The following MED12L variants were observed in gnomAD, a reference collection of about 807,000 sequenced individuals.
MED12L encodes the protein mediator of RNA polymerase II transcription subunit 12-like protein.
A neutral mutation model predicts 281.3 loss-of-function variants in MED12L; 60 were observed. The observed-to-expected ratio is 0.21, with a 90% confidence interval of 0.17 to 0.26. MED12L has a LOEUF of 0.26. MED12L is among the 10% of genes least tolerant of loss of function. The pLI is 1.00. For missense variants in MED12L, 2,146 were observed against 2,680.9 expected (o/e 0.80, Z 4.41); for synonymous variants, 974 against 987.2 (o/e 0.99, Z 0.25).
intron 43 of MED12L, among the ~76,000 whole-genome samples, chr3:151,429,919 C>G (rs1448106114): frequency 6.6e-6 from 1 of 152,198 alleles, no homozygotes; most frequent in African/African-American, 2.4e-5. Flanking sequence ...AGTCCTTGAA[C>G]AAATCTTCCA....
intron 43 of MED12L, among the ~76,000 whole-genome samples, chr3:151,423,820 C>G (rs780613401): frequency 2.1e-4 from 32 of 152,124 alleles, no homozygotes; most frequent in Non-Finnish European, 4.3e-4. Flanking sequence ...ATCTTAAACT[C>G]AGGTTGTCTT....
intron 11 of MED12L, among the ~76,000 whole-genome samples, chr3:151,166,916 C>T (rs985861537): frequency 1.3e-5 from 2 of 151,978 alleles, no homozygotes; most frequent in African/African-American, 2.4e-5. Flanking sequence ...TCTCCTGATT[C>T]GCCTGCCTCA....
intron 16 of MED12L, among the ~76,000 whole-genome samples, chr3:151,258,021 G>A (rs1483694326): frequency 6.6e-6 from 1 of 152,150 alleles, no homozygotes; most frequent in Non-Finnish European, 1.5e-5. Context: ...CTGGCATAAA[G>A]CTGTATTTAT....
rs756626201 is a variant in MED12L, at chr3:151,369,565, C to T, written c.3664+16C>T. ...ATGATGCTTGGTAAGATTATTCTGA[C>T]CCTAAGCTTCTTGGTTAATCACCAG... On this transcript the variant is annotated intron_variant, in intron 26 of 44. Transcript: ENST00000687756. 10 of 1,506,504 alleles carry T rather than the reference C, an allele frequency of 6.6e-6. No individual in the cohort carries two copies. The highest frequency in any genetic ancestry group is 9.1e-6 in the Non-Finnish European group (10 of 1,101,066). The allele number at this position is 1,506,504 out of a possible 1,614,324, so 93.3% of individuals were successfully genotyped here.
intron 16 of MED12L, among the ~76,000 whole-genome samples, chr3:151,293,677 A>ACACACACACC (rs200041934): frequency 8.2e-6 from 1 of 121,258 alleles, no homozygotes; most frequent in African/African-American, 3.8e-5. Context: ...ACACACACAC[A>ACACACACACC]CCCTCTACCT....
Position 151,190,776 on chromosome 3 carries a change from G to A in MED12L, c.1813G>A (p.Glu605Lys). The part of the protein sequence containing the change: ...EFVNLVLLFC[E>K]FIRHDVFSHD... ...TGTGAACCTGGTGCTGCTCTTCTGCGAGTTCATCCGCCATGATGTCTTCTC... is the reference window on the plus strand; with the variant it reads ...TGTGAACCTGGTGCTGCTCTTCTGCAAGTTCATCCGCCATGATGTCTTCTC... Residue 605 changes from glutamate (E) to lysine (K), a missense_variant, in exon 14 of 45, where the codon GAG (glutamate) becomes AAG (lysine). This residue lies in a region of MED12L where 722 missense variants were observed against 861.2 expected (regional missense o/e 0.84). Coordinates refer to ENST00000687756, the MANE Select transcript of MED12L (RefSeq NM_001393769.1). 6.2e-7 allele frequency: 1 copy of A among 1,614,126 alleles called. No individual in the cohort carries two copies. The highest frequency in any genetic ancestry group is 8.5e-7 in the Non-Finnish European group (1 of 1,180,026).
chr3:151,435,515 T>C lies in MED12L; in HGVS notation c.*2711T>C, dbSNP rs1373045100. ...GAAAACCCAAGGGCGCTATTCCACA[T>C]GTCTCAAATGATTGGCAGGGGCTAA... On this transcript the variant is annotated 3_prime_UTR_variant, in exon 45 of 45. Transcript: ENST00000687756. 1 of 152,150 alleles carries C rather than the reference T, an allele frequency of 6.6e-6. No individual in the cohort carries two copies. The highest frequency in any genetic ancestry group is 1.9e-4 in the East Asian group (1 of 5,192). The allele number at this position is 152,150 out of a possible 1,614,324, so 9.4% of individuals were successfully genotyped here.
At position 151,384,143 on chromosome 3, in the gene MED12L, T is replaced by G. The variant is rs753938275; in HGVS notation, c.4851T>G (p.Ser1617=). Residue 1617 remains serine (S), a synonymous_variant, in exon 35 of 45, where the codon TCT becomes TCG. Coordinates refer to ENST00000687756, the MANE Select transcript of MED12L (RefSeq NM_001393769.1). ...TTTTAATCAATGGAACGTTAGCCTC[T>G]GACCTATCAAATGCATCCCCTGGGG... ...LGVLINGTLA[S]DLSNASPGGS... is the part of the protein sequence containing the mutation. The G allele has an allele frequency of 4.3e-6, 7 of 1,614,066 alleles. No individual in the cohort carries two copies. In the South Asian group the frequency reaches 7.7e-5, roughly 18 times the overall value.
chr3:151,305,442 T>G (rs28371419), intron 16 of MED12L, among the ~76,000 whole-genome samples: 71,516 of 151,970 alleles, frequency 0.47, 16,917 homozygotes, highest in Middle Eastern at 0.64. Flanking sequence ...TAAAATGAGG[T>G]TGGTGGAAAA....
intron 33 of MED12L, among the ~76,000 whole-genome samples, chr3:151,382,966 T>C (rs1377675925): frequency 6.6e-6 from 1 of 152,202 alleles, no homozygotes; most frequent in Non-Finnish European, 1.5e-5. Context: ...ATTTTAAGCA[T>C]AGATTTGCCT....
At chr3:151,265,508 C>G (rs145529543) in intron 16 of MED12L, among the ~76,000 whole-genome samples, 3 of 152,106 alleles carry the variant, frequency 2.0e-5, no homozygotes, top group Non-Finnish European at 2.9e-5. Flanking sequence ...GCCCACTTGC[C>G]GGTCACTGCC....
At position 151,151,716 on chromosome 3, in the gene MED12L, A is replaced by G. The variant is rs533849024; in HGVS notation, c.557-4445A>G. ...TTCGTGGCACCTCAAGACATTTACA[A>G]TAGTCACTCAAAGATGACTGATTAC... On this transcript the variant is annotated intron_variant, in intron 5 of 44. Coordinates refer to ENST00000687756, the MANE Select transcript of MED12L (RefSeq NM_001393769.1). Among the ~76,000 whole-genome samples the G allele has an allele frequency of 6.6e-5, 10 of 152,262 alleles. No individual in the cohort carries two copies. In the South Asian group the frequency reaches 2.1e-3, roughly 32 times the overall value.
At chr3:151,281,688 A>C (rs532709728) in intron 16 of MED12L, among the ~76,000 whole-genome samples, 1 of 152,170 alleles carries the variant, frequency 6.6e-6, no homozygotes, top group Non-Finnish European at 1.5e-5. Context: ...AAGTACTGTG[A>C]TTTCCTCCTG....
chr3:151,154,275 C>T (rs920475193), intron 5 of MED12L, among the ~76,000 whole-genome samples: 1 of 151,990 alleles, frequency 6.6e-6, no homozygotes, highest in African/African-American at 2.4e-5. Context: ...GTTAAGAGGG[C>T]TTTATTTATG....
chr3:151,240,551 C>A (rs1025763746), intron 16 of MED12L, among the ~76,000 whole-genome samples: 1 of 152,116 alleles, frequency 6.6e-6, no homozygotes, highest in African/African-American at 2.4e-5. Context: ...GGTGAAAGAG[C>A]TAAAAAACAA....
At chr3:151,160,468 G>C (rs547786157) in intron 8 of MED12L, among the ~76,000 whole-genome samples, 1 of 152,292 alleles carries the variant, frequency 6.6e-6, no homozygotes, top group Non-Finnish European at 1.5e-5. Flanking sequence ...TTGGTTGCCT[G>C]TCTGTGTTTA....
chr3:151,236,392 G>C (rs890634159), intron 16 of MED12L, among the ~76,000 whole-genome samples: 1 of 152,102 alleles, frequency 6.6e-6, no homozygotes, highest in African/African-American at 2.4e-5. Flanking sequence ...CATAATTCTT[G>C]ATTCAGGAAG....
At position 151,378,055 on chromosome 3, in the gene MED12L, G is replaced by A; in HGVS notation, c.4360G>A (p.Ala1454Thr). ...TGTATGGTTGGTGGCCCCCCTCATC[G>A]CCAGGTTGCCAACTTCTGTGCAAGG... is the stretch of plus-strand genomic sequence containing the variant. ...RGVWLVAPLI[A>T]RLPTSVQGRV... Residue 1454 changes from alanine to threonine, a missense_variant, in exon 31 of 45, where the codon GCC becomes ACC. Ala to Thr is a moderately conservative substitution (Grantham distance 58). Coordinates refer to ENST00000687756, the MANE Select transcript of MED12L (RefSeq NM_001393769.1). The A allele has an allele frequency of 6.2e-7, 1 of 1,610,026 alleles. No individual in the cohort carries two copies. The highest frequency in any genetic ancestry group is 8.5e-7 in the Non-Finnish European group (1 of 1,177,650).
chr3:151,399,320 T>C (rs1715366476), intron 39 of MED12L, among the ~76,000 whole-genome samples: 1 of 152,222 alleles, frequency 6.6e-6, no homozygotes, highest in South Asian at 2.1e-4. Flanking sequence ...TGGTTTGTTA[T>C]TTCAAAAGAA....
Sources: gnomAD v4.1 joint callset for allele counts (sites outside exome capture counted in the v4.1 genomes callset) on GRCh38, gnomAD v4.1.1 for gene constraint, gnomAD v4.1.1 regional missense constraint, MANE v1.5 for transcripts, NCBI Gene and HGNC (gene_info 2026-07-23, HGNC 2026-07-21) for gene names.